CRYBG1: variants seen among roughly 807,000 people sequenced by gnomAD.
CRYBG1 encodes the protein crystallin beta-gamma domain containing 1.
Under a neutral mutation model 189.2 loss-of-function variants are expected in CRYBG1, and 139 were observed. The ratio of observed to expected loss-of-function variants is 0.73; its 90% CI spans 0.64 to 0.85. CRYBG1 has a LOEUF of 0.85. CRYBG1 is among the 40% of genes least tolerant of loss of function. The probability of loss-of-function intolerance (pLI) is 0.00; values close to 1 mark genes in which losing one functional copy is unlikely to be tolerated. For synonymous variants in CRYBG1, 1,023 were observed against 1,017.1 expected (o/e 1.01, Z -0.11); for missense variants, 2,611 against 2,675.8 (o/e 0.98, Z 0.53).
chr6:106,454,647 T>C (rs192707312), intron 2 of CRYBG1, among the ~76,000 whole-genome samples: 2 of 152,372 alleles, frequency 1.3e-5, no homozygotes, highest in Admixed American at 1.3e-4. Flanking sequence ...AATGCTCACA[T>C]TTTTAATTTG....
At chr6:106,364,713 A>G (rs1168776351) in intron 1 of CRYBG1, among the ~76,000 whole-genome samples, 2 of 152,244 alleles carry the variant, frequency 1.3e-5, no homozygotes, top group Non-Finnish European at 2.9e-5. Flanking sequence ...GTCATTTACC[A>G]CATTTTAAAT....
chr6:106,517,303 T>C (rs1053700480), intron 3 of CRYBG1, among the ~76,000 whole-genome samples: 40 of 136,218 alleles, frequency 2.9e-4, no homozygotes, highest in African/African-American at 7.2e-4. Flanking sequence ...CATATATATA[T>C]ACACACACAC....
At chr6:106,472,939 G>A (rs867869258) in intron 2 of CRYBG1, among the ~76,000 whole-genome samples, 1 of 149,714 alleles carries the variant, frequency 6.7e-6, no homozygotes, top group African/African-American at 2.4e-5. Context: ...AGTATATTCT[G>A]TTATTACAGT....
intron 21 of CRYBG1, among the ~76,000 whole-genome samples, chr6:106,565,739 C>A (rs1270984125): frequency 6.6e-6 from 1 of 152,174 alleles, no homozygotes; most frequent in Non-Finnish European, 1.5e-5. Flanking sequence ...CCTCACCTTA[C>A]ATTTGGTACA....
chr6:106,517,972 A>C (rs535480374), intron 3 of CRYBG1, among the ~76,000 whole-genome samples: 75 of 152,184 alleles, frequency 4.9e-4, no homozygotes, highest in Non-Finnish European at 8.8e-4. Flanking sequence ...TGGTGACAAA[A>C]CCAACAGTTG....
chr6:106,382,847 A>T (rs1316813871), intron 1 of CRYBG1, among the ~76,000 whole-genome samples: 1 of 152,214 alleles, frequency 6.6e-6, no homozygotes, highest in African/African-American at 2.4e-5. Context: ...AATTGTGATT[A>T]ACTATAACAT....
chr6:106,521,300 T>C lies in CRYBG1; in HGVS notation c.4092T>C (p.Asn1364=), dbSNP rs1246128260. 1 of 1,614,148 alleles carries C rather than the reference T, an allele frequency of 6.2e-7. No individual in the cohort carries two copies. The highest frequency in any genetic ancestry group is 1.7e-5 in the Admixed American group (1 of 60,020). ...TTTCTGAATTGTCAAAACTGAAGAA[T>C]GATGATATGGAAAAGGCTAATCATA... ...TKFSELSKLK[N]DDMEKANHIE... The change falls in exon 4 of 22, where the codon AAT becomes AAC. Residue 1364 remains asparagine, a synonymous_variant. Transcript: ENST00000633556.
chr6:106,563,640 CAT>C, intron 20 of CRYBG1, 122 bp from the exon 21 acceptor site: 1 of 943,710 alleles, frequency 1.1e-6, no homozygotes, highest in Non-Finnish European at 1.5e-6. Context: ...TGAACTGCCT[CAT>C]GTGGGGTAAA....
chr6:106,502,574 C>T (rs1055634850), intron 2 of CRYBG1, among the ~76,000 whole-genome samples: 1 of 152,158 alleles, frequency 6.6e-6, no homozygotes, highest in African/African-American at 2.4e-5. Flanking sequence ...GATAATACAT[C>T]TCAACTGTAA....
chr6:106,468,205 G>GACA (rs1384094301), intron 2 of CRYBG1, among the ~76,000 whole-genome samples: 1 of 152,222 alleles, frequency 6.6e-6, no homozygotes, highest in East Asian at 1.9e-4. Flanking sequence ...TCCAGCTCTT[G>GACA]ACAGTTTCGG....
Position 106,520,452 on chromosome 6 carries a change from G to T in CRYBG1, c.3244G>T (p.Asp1082Tyr). The change falls in exon 4 of 22, where the codon GAT (aspartate) becomes TAT (tyrosine). Residue 1082 changes from aspartate to tyrosine, a missense_variant. Coordinates refer to ENST00000633556, the MANE Select transcript of CRYBG1 (RefSeq NM_001371242.2). ...RPDQTVTNGQDSPASLLNISA... is the reference protein window; with the variant it reads ...RPDQTVTNGQYSPASLLNISA... ...AGATCAGACTGTTACAAATGGCCAG[G>T]ATAGCCCTGCCAGCCTTTTGAACAT... 1 of 1,614,154 alleles carries T rather than the reference G, an allele frequency of 6.2e-7. No homozygotes were observed. Among genetic ancestry groups the T allele is most frequent in the Non-Finnish European group, 8.5e-7 (1 of 1,180,028 alleles).
intron 8 of CRYBG1, among the ~76,000 whole-genome samples, chr6:106,533,862 C>T (rs1401482158): frequency 6.6e-6 from 1 of 152,040 alleles, no homozygotes; most frequent in Admixed American, 6.6e-5. Context: ...AGGGGAGAGG[C>T]TGGAGGCATA....
At chr6:106,556,765 G>A (rs1774558642) in intron 17 of CRYBG1, among the ~76,000 whole-genome samples, 1 of 152,196 alleles carries the variant, frequency 6.6e-6, no homozygotes, top group Admixed American at 6.5e-5. Flanking sequence ...AAGAACGTAT[G>A]TGAGTTGGTT....
intron 2 of CRYBG1, among the ~76,000 whole-genome samples, chr6:106,497,308 G>A (rs1321073671): frequency 6.6e-6 from 1 of 152,154 alleles, no homozygotes; most frequent in African/African-American, 2.4e-5. Flanking sequence ...CCCTTACAAG[G>A]ATAATTTTAT....
At position 106,512,234 on chromosome 6, in the gene CRYBG1, G is replaced by C; in HGVS notation, c.1117G>C (p.Ala373Pro). The C allele has an allele frequency of 1.9e-6, 3 of 1,539,774 alleles. No homozygotes were observed. Among genetic ancestry groups the C allele is most frequent in the Non-Finnish European group, 1.7e-6 (2 of 1,147,798 alleles). Residue 373 changes from alanine (A) to proline (P), a missense_variant, in exon 3 of 22, where the codon GCT (alanine) becomes CCT (proline). By Grantham distance (27) the Ala-to-Pro change is conservative. Transcript: ENST00000633556. ...CCGCCCCAAGGGTCACGCCCACCCT[G>C]CTAAGGTGCTAACTTTGGACATCTA... is the stretch of plus-strand genomic sequence containing the variant. ...TARPKGHAHP[A>P]KVLTLDIYLS...
chr6:106,517,067 T>C (rs1250400533), intron 3 of CRYBG1, among the ~76,000 whole-genome samples: 2 of 146,344 alleles, frequency 1.4e-5, no homozygotes, highest in African/African-American at 5.1e-5. Context: ...TGGAGTGCAG[T>C]GGCATGACCA....
chr6:106,443,795 T>A (rs941478016), intron 1 of CRYBG1, among the ~76,000 whole-genome samples: 5 of 152,232 alleles, frequency 3.3e-5, no homozygotes, highest in Non-Finnish European at 5.9e-5. Context: ...AGGCATATAA[T>A]GTGTAATAAT....
At position 106,461,066 on chromosome 6, in the gene CRYBG1, T is replaced by A. The variant is rs1053692452; in HGVS notation, c.312+9234T>A. On this transcript the variant is annotated intron_variant, in intron 2 of 21. Transcript: ENST00000633556. Reference sequence around the variant, plus strand: ...TCCCAAAGTGCTGGGATTACAGGGGTGAGCCACCGTGCCCGACCTTTGATC... The same window carrying A: ...TCCCAAAGTGCTGGGATTACAGGGGAGAGCCACCGTGCCCGACCTTTGATC... 2.0e-5 allele frequency among the ~76,000 whole-genome samples: 3 copies of A among 147,456 alleles called. No homozygotes were observed. The Admixed American group carries it at 2.1e-4, about 10-fold the overall frequency.
Position 106,560,876 on chromosome 6 carries a change from T to C in CRYBG1, c.5929T>C (p.Tyr1977His). 1 of 1,612,908 alleles carries C rather than the reference T, an allele frequency of 6.2e-7. No individual in the cohort carries two copies. The highest frequency in any genetic ancestry group is 8.5e-7 in the Non-Finnish European group (1 of 1,179,526). Residue 1977 changes from tyrosine to histidine, a missense_variant, in exon 19 of 22, where the codon TAT (tyrosine) becomes CAT (histidine). Physicochemically the swap from Tyr to His is moderately conservative, Grantham distance 83 (BLOSUM62 2). Transcript: ENST00000633556. Reference sequence around the variant, plus strand: ...GTCACCTGCAGAAGTACCTAATTGGTATGAATTCAGTGGCTGTCGCCAAAT... The same window carrying C: ...GTCACCTGCAGAAGTACCTAATTGGCATGAATTCAGTGGCTGTCGCCAAAT... ...LLSPAEVPNW[Y>H]EFSGCRQIGS...
Sources: gnomAD v4.1 joint callset for allele counts (sites outside exome capture counted in the v4.1 genomes callset) on GRCh38, gnomAD v4.1.1 for gene constraint, MANE v1.5 for transcripts, NCBI Gene and HGNC (gene_info 2026-07-23, HGNC 2026-07-21) for gene names.